Variants in WNT3 observed in about 807,000 individuals in gnomAD.
The protein encoded by WNT3 is proto-oncogene Wnt-3.
A neutral mutation model predicts 34.2 loss-of-function variants in WNT3; 7 were observed. The ratio of observed to expected loss-of-function variants is 0.20; its 90% confidence interval spans 0.12 to 0.38. WNT3 has a LOEUF of 0.38. Ranked by LOEUF, WNT3 falls within the 10% of genes least tolerant of loss-of-function variation. WNT3 has a pLI of 1.00. For missense variants in WNT3, 267 were observed against 499.8 expected (o/e 0.53, Z 4.44); for synonymous variants, 212 against 211.5 (o/e 1.00, Z -0.02).
chr17:46,806,085 C>T (rs2084190445), intron 1 of WNT3, among the ~76,000 whole-genome samples: 1 of 152,072 alleles, frequency 6.6e-6, no homozygotes, highest in Admixed American at 6.6e-5. Flanking sequence ...ATACCCGGGA[C>T]ATCATAAGCG....
At chr17:46,811,122 A>AAGGGAAATG (rs1555688516) in intron 1 of WNT3, among the ~76,000 whole-genome samples, 1,603 of 145,484 alleles carry the variant, frequency 0.011, 278 homozygotes, top group Non-Finnish European at 0.016. Flanking sequence ...CAGGCTGCAA[A>AAGGGAAATG]CAGATAAATC....
intron 1 of WNT3, among the ~76,000 whole-genome samples, chr17:46,796,854 C>T (rs937496708): frequency 6.6e-6 from 1 of 152,160 alleles, no homozygotes; most frequent in African/African-American, 2.4e-5. Flanking sequence ...TCCACTCAAG[C>T]CCTCCAGAAA....
At chr17:46,775,984 T>C (rs935196918) in intron 1 of WNT3, among the ~76,000 whole-genome samples, 1 of 152,156 alleles carries the variant, frequency 6.6e-6, no homozygotes, top group Non-Finnish European at 1.5e-5. Context: ...AGCAGAGGCT[T>C]TTCCTTGGGT....
chr17:46,779,819 C>T (rs184916930), intron 1 of WNT3, among the ~76,000 whole-genome samples: 5 of 152,212 alleles, frequency 3.3e-5, no homozygotes, highest in East Asian at 1.9e-4. Flanking sequence ...GAGTACAAAG[C>T]GTGATCTTGG....
At chr17:46,815,628 T>C (rs896524247) in intron 1 of WNT3, among the ~76,000 whole-genome samples, 7 of 151,578 alleles carry the variant, frequency 4.6e-5, no homozygotes, top group Non-Finnish European at 1.0e-4. Context: ...GCCCTAACCC[T>C]GAGAAGGTGA....
chr17:46,785,972 C>T (rs970972332), intron 1 of WNT3, among the ~76,000 whole-genome samples: 2 of 152,170 alleles, frequency 1.3e-5, no homozygotes, highest in Non-Finnish European at 2.9e-5. Context: ...GTGACAAGAC[C>T]GCCTGAAAAA....
chr17:46,811,551 G>A (rs2084276018), intron 1 of WNT3, among the ~76,000 whole-genome samples: 1 of 152,112 alleles, frequency 6.6e-6, no homozygotes. Flanking sequence ...AGCCCCCATG[G>A]CCCACTGAGA....
intron 4 of WNT3, among the ~76,000 whole-genome samples, chr17:46,767,707 C>T (rs1399474717): frequency 1.3e-5 from 2 of 152,222 alleles, no homozygotes; most frequent in Non-Finnish European, 2.9e-5. Context: ...TTTGATCTGG[C>T]TCATAACTAA....
chr17:46,768,928 C>T lies in WNT3; in HGVS notation c.589-129G>A. ...CTACTCCTCTGTGACAGGAAGAGAA[C>T]TGATGGGGACTGAGGCAAGACCTAA... On this transcript the variant is annotated intron_variant, in intron 3 of 4. Transcript: ENST00000225512. This position sits in a 1 kb window ranked among gnomAD's most constrained non-coding sequence, Gnocchi z 5.0. 1 of 1,374,204 alleles carries T rather than the reference C, an allele frequency of 7.3e-7. No individual in the cohort carries two copies. The highest frequency in any genetic ancestry group is 2.4e-5 in the East Asian group (1 of 41,182). The allele number at this position is 1,374,204 out of a possible 1,614,324, so 85.1% of individuals were successfully genotyped here.
chr17:46,789,288 A>G (rs1018365242), intron 1 of WNT3, among the ~76,000 whole-genome samples: 10 of 152,178 alleles, frequency 6.6e-5, no homozygotes, highest in Non-Finnish European at 1.5e-4. Flanking sequence ...CTCTTATTCT[A>G]TGCTCTTCAG....
At chr17:46,801,401 C>T (rs1403622456) in intron 1 of WNT3, among the ~76,000 whole-genome samples, 2 of 151,260 alleles carry the variant, frequency 1.3e-5, no homozygotes, top group East Asian at 1.9e-4. Flanking sequence ...GGGCACATCA[C>T]CTGAGGTCAG....
At chr17:46,771,651 C>T (rs1031930026) in intron 2 of WNT3, among the ~76,000 whole-genome samples, 167 of 144,286 alleles carry the variant, frequency 1.2e-3, no homozygotes, top group African/African-American at 4.1e-3. Flanking sequence ...CGGGCCCGGG[C>T]CGCCGGGCCG....
At chr17:46,774,353 C>T (rs919871044) in intron 1 of WNT3, among the ~76,000 whole-genome samples, 1 of 152,104 alleles carries the variant, frequency 6.6e-6, no homozygotes, top group Admixed American at 6.5e-5. Flanking sequence ...ATGGGACACG[C>T]GCGCGCGCGC....
In WNT3 at chr17:46,773,768, C is replaced by T. The variant is rs1367699360; in HGVS notation, c.222G>A (p.Lys74=). The change falls in exon 2 of 5, where the codon AAG becomes AAA. Residue 74 remains lysine, a synonymous_variant. Coordinates refer to ENST00000225512, the MANE Select transcript of WNT3 (RefSeq NM_030753.5). ...EIMPSVAEGV[K]LGIQECQHQF... ...GGTGCTGGCACTCCTGGATGCCCAGCTTCACGCCCTCGGCCACGCTGGGCA... is the reference window on the plus strand; with the variant it reads ...GGTGCTGGCACTCCTGGATGCCCAGTTTCACGCCCTCGGCCACGCTGGGCA... 1 of 1,613,368 alleles carries T rather than the reference C, an allele frequency of 6.2e-7. No individual in the cohort carries two copies. The highest frequency in any genetic ancestry group is 1.1e-5 in the South Asian group (1 of 91,076).
At chr17:46,807,507 A>G (rs1175562168) in intron 1 of WNT3, among the ~76,000 whole-genome samples, 1 of 152,232 alleles carries the variant, frequency 6.6e-6, no homozygotes, top group Non-Finnish European at 1.5e-5. Context: ...AACAGAAAAA[A>G]AAGAAACAGA....
chr17:46,770,293 T>C (rs1194821427), intron 2 of WNT3, among the ~76,000 whole-genome samples: 6 of 152,202 alleles, frequency 3.9e-5, no homozygotes, highest in Non-Finnish European at 5.9e-5. Flanking sequence ...GGACCTCAAA[T>C]GCCACAGGGC....
chr17:46,786,298 C>T (rs2059506219), intron 1 of WNT3, among the ~76,000 whole-genome samples: 1 of 152,078 alleles, frequency 6.6e-6, no homozygotes, highest in South Asian at 2.1e-4. Flanking sequence ...TGGAGGGGTC[C>T]TGCACCCCTG....
At chr17:46,814,273 A>T (rs1228044622) in intron 1 of WNT3, among the ~76,000 whole-genome samples, 2 of 152,186 alleles carry the variant, frequency 1.3e-5, no homozygotes, top group African/African-American at 4.8e-5. Flanking sequence ...CCACATACAT[A>T]TTACAGCAGG....
intron 1 of WNT3, among the ~76,000 whole-genome samples, chr17:46,787,200 C>T (rs893975142): frequency 2.6e-5 from 4 of 151,822 alleles, no homozygotes; most frequent in Non-Finnish European, 4.4e-5. Context: ...CTCAGCCTCC[C>T]CAAGTGCTGG....
Sources: gnomAD v4.1 joint callset for allele counts (sites outside exome capture counted in the v4.1 genomes callset) on GRCh38, gnomAD v4.1.1 for gene constraint, Gnocchi (gnomAD v3.1) non-coding constraint, MANE v1.5 for transcripts, NCBI Gene and HGNC (gene_info 2026-07-23, HGNC 2026-07-21) for gene names.